The following ACACA variants were observed in gnomAD, a reference collection of about 807,000 sequenced individuals.
ACACA encodes acetyl-CoA carboxylase 1.
A neutral mutation model predicts 296.1 loss-of-function variants in ACACA; 103 were observed. That is an observed-to-expected ratio of 0.35 (90% CI 0.30 to 0.41). ACACA has a LOEUF of 0.41. Among genes scored for constraint, ACACA ranks in the 10% least tolerant of loss-of-function variants. The probability of loss-of-function intolerance (pLI) is 1.00; values close to 1 mark genes in which losing one functional copy is unlikely to be tolerated. For missense variants in ACACA, 1,554 were observed against 2,989.7 expected (o/e 0.52, Z 11.20); for synonymous variants, 953 against 1,038.6 (o/e 0.92, Z 1.58).
intron 36 of ACACA, 23 bp downstream of exon 36, chr17:37,193,351 A>G: frequency 6.4e-7 from 1 of 1,555,098 alleles, no homozygotes; most frequent in Non-Finnish European, 8.9e-7. Flanking sequence ...TTTTTTTTAA[A>G]TAGGAAAGAA....
Position 37,157,531 on chromosome 17 carries a change from CTTTTT to C in ACACA, c.5350-1756_5350-1752del, listed in dbSNP as rs397687787. 3.3e-5 allele frequency among the ~76,000 whole-genome samples: 3 copies of C among 90,484 alleles called. No homozygotes were observed. In the East Asian group the frequency reaches 1.1e-3, roughly 34 times the overall value. 59.4% of individuals were successfully genotyped at this position (90,484 alleles called of 152,430 possible). ...TTATATTTTAACTAGATCATTCTAT[CTTTTT>C]TTTTTTTTTTTTTTTTTTGAGCAGA... On this transcript the variant is annotated intron_variant, in intron 42 of 55. Transcript: ENST00000616317.
chr17:37,309,124 C>CA lies in ACACA; in HGVS notation c.338+21048dup, dbSNP rs552016859. 2.0e-3 allele frequency among the ~76,000 whole-genome samples: 301 copies of CA among 152,208 alleles called. 1 individual carries two copies. Among genetic ancestry groups the CA allele is most frequent in the African/African-American group, 6.8e-3 (283 of 41,538 alleles). ...GGCCTTAAACTCTTGGGGGCTCAAACAGTCCTCTCGCCTCAGCCTTCCGAG... is the reference window on the plus strand; with the variant it reads ...GGCCTTAAACTCTTGGGGGCTCAAACAAGTCCTCTCGCCTCAGCCTTCCGAG... On this transcript the variant is annotated intron_variant, in intron 3 of 55. Coordinates refer to ENST00000616317, the MANE Select transcript of ACACA (RefSeq NM_198834.3).
chr17:37,353,886 T>C (rs1290973945), intron 1 of ACACA, among the ~76,000 whole-genome samples: 1 of 152,068 alleles, frequency 6.6e-6, no homozygotes, highest in African/African-American at 2.4e-5. Context: ...GGCAGGAGGA[T>C]TGCTTGAGCC....
intron 45 of ACACA, among the ~76,000 whole-genome samples, chr17:37,135,912 CTTT>C (rs746761290): frequency 1.5e-5 from 2 of 137,710 alleles, no homozygotes; most frequent in Admixed American, 7.3e-5. Context: ...AACAGGAATT[CTTT>C]TTTTTTTTTT....
At position 37,109,409 on chromosome 17, in the gene ACACA, A is replaced by G. The variant is rs965917155; in HGVS notation, c.6565+2122T>C. ...TAGGCAGAGGTGTGATCTCCACTTT[A>G]TGGTTGGAAAAAAACTGATGTTCGG... is the stretch of plus-strand genomic sequence containing the variant. On this transcript the variant is annotated intron_variant, in intron 52 of 55. Coordinates refer to ENST00000616317, the MANE Select transcript of ACACA (RefSeq NM_198834.3). 3.3e-5 allele frequency among the ~76,000 whole-genome samples: 5 copies of G among 152,298 alleles called. No homozygotes were observed. The East Asian group carries it at 7.7e-4, about 23-fold the overall frequency.
rs902942640 is a variant in ACACA, at chr17:37,155,758, G to A, written c.5372C>T (p.Thr1791Ile). Residue 1791 changes from threonine to isoleucine, a missense_variant, in exon 43 of 56, where the codon ACT (threonine) becomes ATT (isoleucine). Transcript: ENST00000616317. The part of the protein sequence containing the change: ...PYKGYRYLYL[T>I]PQDYKRVSAL... Reference sequence around the variant, plus strand: ...ACTGACTCTCTTATAATCTTGAGGAGTCAGATATAAATACCTGTATCCCTG... The same window carrying A: ...ACTGACTCTCTTATAATCTTGAGGAATCAGATATAAATACCTGTATCCCTG... 15 of 1,608,998 alleles carry A rather than the reference G, an allele frequency of 9.3e-6. No individual in the cohort carries two copies. Among genetic ancestry groups the A allele is most frequent in the South Asian group, 1.1e-5 (1 of 91,020 alleles).
At chr17:37,365,478 C>T (rs918282409) in intron 1 of ACACA, 16 of 985,264 alleles carry the variant, frequency 1.6e-5, no homozygotes, top group African/African-American at 3.5e-5. Flanking sequence ...CCTGCTTATC[C>T]GTCTTCACGT....
intron 1 of ACACA, among the ~76,000 whole-genome samples, chr17:37,395,361 C>T (rs1465488922): frequency 1.3e-5 from 2 of 150,232 alleles, no homozygotes; most frequent in African/African-American, 4.9e-5. Context: ...ACTCAGGAGA[C>T]TGAGGTTGCG....
Position 37,107,382 on chromosome 17 carries a change from C to G in ACACA, c.6565+4149G>C, listed in dbSNP as rs536075661. Among the ~76,000 whole-genome samples the G allele has an allele frequency of 1.9e-3, 290 of 152,326 alleles. 3 individuals carry two copies. Among genetic ancestry groups the G allele is most frequent in the African/African-American group, 6.7e-3 (277 of 41,566 alleles). On this transcript the variant is annotated intron_variant, in intron 52 of 55. Transcript: ENST00000616317. ...AGCTTAACCCTTAAGTCCCCTTAGC[C>G]CAGGGAACAGTCCTTTTCCTGTCAT...
chr17:37,179,505 C>A, intron 40 of ACACA, 99 bp from the exon 41 acceptor site: 1 of 1,341,564 alleles, frequency 7.5e-7, no homozygotes. Flanking sequence ...CCTTCTTTTC[C>A]AAGTGTTCTG....
rs1046454857 is a variant in ACACA, at chr17:37,097,275, A to T, written c.6721-109T>A. The stretch of plus-strand genomic sequence containing the variant: ...CTGATTCTCCAGGCAAGCCCTTCAC[A>T]GACCCAAGAGCTGGCTGTAAACTCC... On this transcript the variant is annotated intron_variant, in intron 53 of 55. Coordinates refer to ENST00000616317, the MANE Select transcript of ACACA (RefSeq NM_198834.3). This position sits in a 1 kb window ranked among gnomAD's most constrained non-coding sequence, Gnocchi z 4.8. 2.1e-5 allele frequency: 27 copies of T among 1,292,576 alleles called. No homozygotes were observed. The highest frequency in any genetic ancestry group is 2.8e-5 in the Non-Finnish European group (26 of 923,538). 80.1% of individuals were successfully genotyped at this position (1,292,576 alleles called of 1,614,324 possible).
chr17:37,394,215 CT>C (rs796871691), intron 1 of ACACA, among the ~76,000 whole-genome samples: 315 of 144,138 alleles, frequency 2.2e-3, no homozygotes, highest in Non-Finnish European at 2.2e-3. Context: ...TTTTCTTTTT[CT>C]TTTTTTTTTT....
In ACACA at chr17:37,097,677, G is replaced by C. The variant is rs2073075083; in HGVS notation, c.6720+153C>G. ...TAAGATGATAACAGTTACAGAAACA[G>C]TGAAAATCTAAAAAATATTGAAAAT... On this transcript the variant is annotated intron_variant, in intron 53 of 55. Transcript: ENST00000616317. The surrounding 1 kb of genome is among the most constrained non-coding windows in gnomAD (Gnocchi z 4.8). Among the ~76,000 whole-genome samples, 1 of 152,180 alleles carries C rather than the reference G, an allele frequency of 6.6e-6. No homozygotes were observed. The highest frequency in any genetic ancestry group is 2.4e-5 in the African/African-American group (1 of 41,426).
intron 39 of ACACA, 88 bp downstream of exon 39, chr17:37,188,189 T>C: frequency 7.8e-7 from 1 of 1,276,008 alleles, no homozygotes; most frequent in African/African-American, 1.5e-5. Context: ...CCAATGGGAT[T>C]TGTGAGTGTG....
intron 17 of ACACA, 140 bp from the exon 18 acceptor site, chr17:37,248,296 T>C: frequency 9.1e-7 from 1 of 1,098,960 alleles, no homozygotes; most frequent in South Asian, 1.4e-5. Flanking sequence ...TGCATCAGTG[T>C]CTGTGGACAT....
At chr17:37,314,768 G>A (rs1039585188) in intron 3 of ACACA, among the ~76,000 whole-genome samples, 2 of 149,880 alleles carry the variant, frequency 1.3e-5, no homozygotes, top group South Asian at 4.2e-4. Flanking sequence ...AGCCTCCCAA[G>A]TAGCTGGGAC....
chr17:37,310,810 A>AG (rs1567977677), intron 3 of ACACA, among the ~76,000 whole-genome samples: 3 of 151,550 alleles, frequency 2.0e-5, no homozygotes, highest in East Asian at 3.9e-4. Context: ...AAAAAAAAAA[A>AG]AAAAGAAAGA....
chr17:37,312,749 G>A (rs993982912), intron 3 of ACACA, among the ~76,000 whole-genome samples: 4 of 152,114 alleles, frequency 2.6e-5, no homozygotes, highest in African/African-American at 7.2e-5. Flanking sequence ...AAAGGCAGCT[G>A]GGCCCGGTGG....
intron 1 of ACACA, among the ~76,000 whole-genome samples, chr17:37,347,211 GCTCT>G (rs766591988): frequency 7.9e-5 from 12 of 152,228 alleles, no homozygotes; most frequent in South Asian, 2.1e-4. Context: ...CCCTGCACAA[GCTCT>G]CTCTCTGCCT....
Sources: allele counts gnomAD v4.1 joint callset (sites outside exome capture counted in the v4.1 genomes callset), GRCh38; gene constraint gnomAD v4.1.1; non-coding constraint Gnocchi (gnomAD v3.1); transcripts MANE v1.5; gene names NCBI Gene and HGNC (gene_info 2026-07-23, HGNC 2026-07-21).